ANKRD31: variants seen among roughly 807,000 people sequenced by gnomAD.
ANKRD31 encodes the protein ankyrin repeat domain-containing protein 31.
Under a neutral mutation model 186.0 loss-of-function variants are expected in ANKRD31, and 147 were observed. The observed-to-expected ratio is 0.79, with a 90% CI of 0.69 to 0.91. The LOEUF (loss-of-function observed/expected upper bound fraction) is 0.91. Ranked by LOEUF, ANKRD31 falls within the 40% of genes least tolerant of loss-of-function variation. The pLI, the probability that ANKRD31 is intolerant of heterozygous loss-of-function variation, is 0.00. For missense variants in ANKRD31, 1,986 were observed against 2,148.8 expected, an observed-to-expected ratio of 0.92 and a Z score of 1.50; for synonymous variants, 673 against 736.4, an observed-to-expected ratio of 0.91 and a Z score of 1.39.
At chr5:75,154,490 A>C in intron 11 of ANKRD31, 145 bp from the exon 12 acceptor site, 3 of 755,882 alleles carry the variant, frequency 4.0e-6, no homozygotes, top group Non-Finnish European at 5.5e-6. Context: ...CCAATAAAAA[A>C]AGAATTAATG....
At chr5:75,188,689 G>T in intron 9 of ANKRD31, 41 bp from the exon 10 acceptor site, 1 of 1,465,524 alleles carries the variant, frequency 6.8e-7, no homozygotes, top group South Asian at 1.3e-5. Context: ...ATCATTATTT[G>T]AATATCAGAA....
At chr5:75,230,823 A>G (rs1355143835) in intron 1 of ANKRD31, among the ~76,000 whole-genome samples, 188 bp from the exon 2 acceptor site, 2 of 152,240 alleles carry the variant, frequency 1.3e-5, no homozygotes, top group Non-Finnish European at 2.9e-5. Flanking sequence ...GATGAAAAAT[A>G]AAGACTCATC....
intron 22 of ANKRD31, among the ~76,000 whole-genome samples, chr5:75,098,478 G>C (rs1746521230): frequency 6.6e-6 from 1 of 152,116 alleles, no homozygotes; most frequent in African/African-American, 2.4e-5. Flanking sequence ...AAAGTCATTG[G>C]TAGCTTGATG....
chr5:75,090,714 T>C (rs184214230), intron 23 of ANKRD31, among the ~76,000 whole-genome samples: 19 of 152,294 alleles, frequency 1.2e-4, no homozygotes, highest in Admixed American at 1.0e-3. Context: ...ACAGGGAGGC[T>C]ACTAAGTCTA....
At chr5:75,182,862 G>T (rs1007985449) in intron 10 of ANKRD31, among the ~76,000 whole-genome samples, 1 of 152,142 alleles carries the variant, frequency 6.6e-6, no homozygotes, top group African/African-American at 2.4e-5. Context: ...GGAAAAGCCA[G>T]TATCCTATTT....
At chr5:75,148,051 A>T (rs914617766) in intron 13 of ANKRD31, among the ~76,000 whole-genome samples, 2 of 151,844 alleles carry the variant, frequency 1.3e-5, no homozygotes, top group Non-Finnish European at 2.9e-5. Context: ...GTGGAGCTAG[A>T]ATTAGGGGTT....
At chr5:75,132,578 T>C (rs1184811130) in intron 17 of ANKRD31, among the ~76,000 whole-genome samples, 3 of 152,168 alleles carry the variant, frequency 2.0e-5, no homozygotes, top group Non-Finnish European at 1.5e-5. Context: ...TGGAACCAAG[T>C]TGGAAAACAC....
chr5:75,121,864 T>C (rs746508796), intron 17 of ANKRD31, among the ~76,000 whole-genome samples: 1 of 151,566 alleles, frequency 6.6e-6, no homozygotes, highest in Admixed American at 6.6e-5. Flanking sequence ...AATAGAAAGA[T>C]TACAGATTAA....
chr5:75,124,698 T>C (rs772422572), intron 17 of ANKRD31, among the ~76,000 whole-genome samples: 7 of 152,166 alleles, frequency 4.6e-5, no homozygotes, highest in Non-Finnish European at 1.0e-4. Context: ...CCATCCATGT[T>C]GTTAAGTGAA....
At position 75,154,249 on chromosome 5, in the gene ANKRD31, G is replaced by T. The variant is rs749997184; in HGVS notation, c.1804C>A (p.Arg602Ser). Residue 602 changes from arginine to serine, a missense_variant, in exon 12 of 26, where the codon CGT becomes AGT. Physicochemically the swap from Arg to Ser is moderately radical, Grantham distance 110. Transcript: ENST00000506364. ...TTAGGGATATATCTCTCAAGGAGAC[G>T]CTTCATACATAAATCCTTGGCCTCA... ...LDEAKDLCMKRLLERYIPKHQ... is the reference protein window; with the variant it reads ...LDEAKDLCMKSLLERYIPKHQ... 6.5e-7 allele frequency: 1 copy of T among 1,533,674 alleles called. No homozygotes were observed. The highest frequency in any genetic ancestry group is 8.7e-7 in the Non-Finnish European group (1 of 1,145,006).
At chr5:75,168,748 A>G (rs1410009661) in intron 11 of ANKRD31, among the ~76,000 whole-genome samples, 1 of 152,086 alleles carries the variant, frequency 6.6e-6, no homozygotes, top group African/African-American at 2.4e-5. Flanking sequence ...AAAAAATACT[A>G]TGTAACCAAA....
chr5:75,213,048 T>C (rs1756746920), intron 3 of ANKRD31, among the ~76,000 whole-genome samples: 1 of 152,082 alleles, frequency 6.6e-6, no homozygotes, highest in African/African-American at 2.4e-5. Context: ...CTTCTCCAAT[T>C]AATGCTCAGT....
chr5:75,139,001 A>G lies in ANKRD31; in HGVS notation c.3596-18T>C. ...TTTCATTCCTGTAAATTTGCCAAAC[A>G]AGAGGTTTATTTTCTGCCAAATGCT... On this transcript the variant is annotated intron_variant, in intron 15 of 25. Coordinates refer to ENST00000506364, the MANE Select transcript of ANKRD31 (RefSeq NM_001372053.1). 2 of 1,535,268 alleles carry G rather than the reference A, an allele frequency of 1.3e-6. No individual in the cohort carries two copies. The highest frequency in any genetic ancestry group is 1.7e-6 in the Non-Finnish European group (2 of 1,145,980).
intron 2 of ANKRD31, among the ~76,000 whole-genome samples, chr5:75,226,395 TA>T (rs1757630721): frequency 6.6e-6 from 1 of 152,102 alleles, no homozygotes; most frequent in African/African-American, 2.4e-5. Context: ...GTGGTGGCTA[TA>T]GGGGTACTCC....
chr5:75,193,470 G>A lies in ANKRD31; in HGVS notation c.1139C>T (p.Thr380Ile), dbSNP rs1012623221. The change falls in exon 8 of 26, where the codon ACT becomes ATT. Residue 380 changes from threonine to isoleucine, a missense_variant. By Grantham distance (89) the Thr-to-Ile change is moderately conservative (BLOSUM62 -1). Transcript: ENST00000506364. ...NSVTNSSDQE[T>I]ACVLRRSSRL... ...GGATGATCTCCTCAACACACACGCA[G>A]TTTCCTGATCAGAGCTATTTGTCAC... 1 of 1,537,332 alleles carries A rather than the reference G, an allele frequency of 6.5e-7. No individual in the cohort carries two copies. The highest frequency in any genetic ancestry group is 8.7e-7 in the Non-Finnish European group (1 of 1,146,794).
chr5:75,068,637 C>G lies in ANKRD31; in HGVS notation c.5675G>C (p.Ser1892Thr). The G allele has an allele frequency of 6.6e-7, 1 of 1,518,736 alleles. No homozygotes were observed. Among genetic ancestry groups the G allele is most frequent in the Non-Finnish European group, 8.8e-7 (1 of 1,139,492 alleles). The allele number at this position is 1,518,736 out of a possible 1,614,324, so 94.1% of individuals were successfully genotyped here. The stretch of plus-strand genomic sequence containing the variant: ...TTCATTTATTTGTAGATAACGTGGG[C>G]TGCTTTGCATTGACTCTCTGGAAGT... ...QGTSRESMQS[S>T]PRYLQINEIL... Residue 1892 changes from serine (S) to threonine (T), a missense_variant, in exon 26 of 26, where the codon AGC becomes ACC. By Grantham distance (58) the Ser-to-Thr change is moderately conservative. Coordinates refer to ENST00000506364, the MANE Select transcript of ANKRD31 (RefSeq NM_001372053.1).
chr5:75,075,596 TAAAAG>T (rs1003883721), intron 25 of ANKRD31, among the ~76,000 whole-genome samples: 5 of 152,086 alleles, frequency 3.3e-5, no homozygotes, highest in African/African-American at 1.2e-4. Flanking sequence ...AGTTTAAATA[TAAAAG>T]AAAAGTGAGC....
chr5:75,081,306 T>A (rs1745061289), intron 24 of ANKRD31, among the ~76,000 whole-genome samples: 1 of 152,140 alleles, frequency 6.6e-6, no homozygotes, highest in Non-Finnish European at 1.5e-5. Flanking sequence ...TTCGCTCTTG[T>A]CACCCAGGCT....
At chr5:75,080,741 C>G (rs1471625505) in intron 24 of ANKRD31, 102 bp from the exon 25 acceptor site, 2 of 618,274 alleles carry the variant, frequency 3.2e-6, no homozygotes, top group Non-Finnish European at 5.2e-6. Flanking sequence ...ATACAAATAG[C>G]TCTTCCTTGA....
Sources: allele counts gnomAD v4.1 joint callset (sites outside exome capture counted in the v4.1 genomes callset), GRCh38; gene constraint gnomAD v4.1.1; transcripts MANE v1.5; gene names NCBI Gene and HGNC (gene_info 2026-07-23, HGNC 2026-07-21).